The following RSU1 variants were observed in gnomAD, a reference collection of about 807,000 sequenced individuals.
RSU1 encodes Ras suppressor protein 1, also known as rsu-1.
A neutral mutation model predicts 31.1 loss-of-function variants in RSU1; 26 were observed. The ratio of observed to expected loss-of-function variants is 0.84; its 90% CI spans 0.61 to 1.16. The LOEUF is 1.16. Among genes scored for constraint, RSU1 ranks in the 50% most tolerant of loss-of-function variants. RSU1 has a pLI of 0.00. For synonymous variants in RSU1, 164 were observed against 136.3 expected (o/e 1.20, Z -1.41); for missense variants, 320 against 339.1 (o/e 0.94, Z 0.44).
At chr10:16,721,567 T>C (rs1836263393) in intron 7 of RSU1, 1 of 152,300 alleles carries the variant, frequency 6.6e-6, no homozygotes, top group Admixed American at 6.5e-5. Context: ...TCCCCAGCGA[T>C]TTGTTACTCA....
In RSU1 at chr10:16,619,281, G is replaced by T. The variant is rs551633861; in HGVS notation, c.732-25785C>A. On this transcript the variant is annotated intron_variant, in intron 8 of 8. Transcript: ENST00000345264. ...AGCATCTACCTGGCAGTATGTGACA[G>T]AGAGTAGCATGTTTTCACCTCACAG... Among the ~76,000 whole-genome samples, 22 of 152,350 alleles carry T rather than the reference G, an allele frequency of 1.4e-4. No homozygotes were observed. In the South Asian group the frequency reaches 4.4e-3, roughly 30 times the overall value.
chr10:16,605,196 G>A (rs1189549393), intron 8 of RSU1, among the ~76,000 whole-genome samples: 1 of 152,108 alleles, frequency 6.6e-6, no homozygotes, highest in African/African-American at 2.4e-5. Context: ...TCACCACTCT[G>A]GTCTACTGCA....
intron 2 of RSU1, among the ~76,000 whole-genome samples, chr10:16,789,456 C>T (rs1837867186): frequency 6.6e-6 from 1 of 152,156 alleles, no homozygotes; most frequent in African/African-American, 2.4e-5. Context: ...AACAGACCCC[C>T]ACAAAGCCCG....
chr10:16,777,334 A>C (rs114159930), intron 3 of RSU1, among the ~76,000 whole-genome samples: 1,655 of 152,314 alleles, frequency 0.011, 25 homozygotes, highest in African/African-American at 0.035. Flanking sequence ...CAACGTAAGG[A>C]TATTGGAGGA....
intron 2 of RSU1, 108 bp downstream of exon 2, chr10:16,816,865 G>A (rs1838545297): frequency 4.0e-6 from 3 of 757,446 alleles, no homozygotes; most frequent in Non-Finnish European, 6.9e-6. Flanking sequence ...TACAAGCAGG[G>A]GCTGGGGTCT....
At chr10:16,608,610 G>A (rs1240272469) in intron 8 of RSU1, among the ~76,000 whole-genome samples, 1 of 152,040 alleles carries the variant, frequency 6.6e-6, no homozygotes, top group African/African-American at 2.4e-5. Flanking sequence ...CTGGTGTGCA[G>A]AAAGAGCAAA....
chr10:16,725,203 G>A (rs945539371), intron 7 of RSU1, among the ~76,000 whole-genome samples: 1 of 152,156 alleles, frequency 6.6e-6, no homozygotes, highest in Non-Finnish European at 1.5e-5. Flanking sequence ...TGGGAGAAGA[G>A]AGAGAGAATA....
intron 7 of RSU1, among the ~76,000 whole-genome samples, chr10:16,696,881 C>A (rs929809968): frequency 3.3e-5 from 5 of 151,918 alleles, no homozygotes; most frequent in Non-Finnish European, 5.9e-5. Flanking sequence ...TTTTAGAGTC[C>A]CAAGAATGAA....
intron 3 of RSU1, among the ~76,000 whole-genome samples, chr10:16,773,023 AG>A (rs2131638813): frequency 6.6e-6 from 1 of 152,168 alleles, no homozygotes; most frequent in East Asian, 1.9e-4. Flanking sequence ...CCTGGGCAAC[AG>A]GGCGAAACCC....
At chr10:16,606,061 G>A (rs577586750) in intron 8 of RSU1, among the ~76,000 whole-genome samples, 38 of 152,230 alleles carry the variant, frequency 2.5e-4, no homozygotes, top group Admixed American at 2.1e-3. Flanking sequence ...GGGCTTCTAA[G>A]GCTAAAGGGA....
In RSU1 at chr10:16,722,528, TC is replaced by T. The variant is rs564413604; in HGVS notation, c.599-27374del. On this transcript the variant is annotated intron_variant, in intron 7 of 8. Transcript: ENST00000345264. ...CCTCTGGAACATGAAAGTGAAAATA[TC>T]CACCAAGCAATAAGATTTATCATCT... is the stretch of plus-strand genomic sequence containing the variant. Among the ~76,000 whole-genome samples, 773 of 152,224 alleles carry T rather than the reference TC, an allele frequency of 5.1e-3. 3 individuals carry two copies. The highest frequency in any genetic ancestry group is 8.4e-3 in the Non-Finnish European group (571 of 68,014).
intron 8 of RSU1, among the ~76,000 whole-genome samples, chr10:16,639,894 A>G (rs1834411659): frequency 6.6e-6 from 1 of 152,196 alleles, no homozygotes. Flanking sequence ...GTTTTATCTC[A>G]CCAGCGAGCT....
At chr10:16,677,988 A>G (rs1835264574) in intron 8 of RSU1, among the ~76,000 whole-genome samples, 1 of 152,076 alleles carries the variant, frequency 6.6e-6, no homozygotes, top group Non-Finnish European at 1.5e-5. Flanking sequence ...AATTAAGGAG[A>G]AAAGAAACAA....
intron 2 of RSU1, among the ~76,000 whole-genome samples, chr10:16,809,986 C>CGGGGGGGGGGG (rs747676679): frequency 2.6e-5 from 2 of 77,046 alleles, no homozygotes; most frequent in Non-Finnish European, 5.4e-5. Flanking sequence ...TTTGGGAGGC[C>CGGGGGGGGGGG]GGGGGTGGGG....
At position 16,644,405 on chromosome 10, in the gene RSU1, G is replaced by A. The variant is rs79354027; in HGVS notation, c.731+50618C>T. 5.9e-3 allele frequency among the ~76,000 whole-genome samples: 893 copies of A among 152,292 alleles called. 9 individuals are homozygous for A. The highest frequency in any genetic ancestry group is 0.02 in the African/African-American group (819 of 41,552). On this transcript the variant is annotated intron_variant, in intron 8 of 8. Transcript: ENST00000345264. ...CACAAATACGGTGATTACACATTAC[G>A]TGAGTGGCATTTCCCACGTGCCAGA...
intron 4 of RSU1, among the ~76,000 whole-genome samples, chr10:16,763,938 AG>A (rs1461688176): frequency 6.6e-6 from 1 of 152,214 alleles, no homozygotes; most frequent in Non-Finnish European, 1.5e-5. Context: ...TCTCAGCTAA[AG>A]AGAAGAATTG....
chr10:16,764,736 G>C (rs531160477), intron 3 of RSU1, among the ~76,000 whole-genome samples: 23 of 152,236 alleles, frequency 1.5e-4, no homozygotes, highest in African/African-American at 5.3e-4. Flanking sequence ...CTAAGTGCTT[G>C]GCATAGTTTG....
chr10:16,678,248 T>C (rs749938297), intron 8 of RSU1, among the ~76,000 whole-genome samples: 2 of 152,218 alleles, frequency 1.3e-5, no homozygotes, highest in Non-Finnish European at 2.9e-5. Flanking sequence ...TGAATGACCA[T>C]CTTTTCTCAT....
At chr10:16,651,010 AGATTT>A (rs1834676396) in intron 8 of RSU1, among the ~76,000 whole-genome samples, 2 of 152,298 alleles carry the variant, frequency 1.3e-5, no homozygotes, top group African/African-American at 2.4e-5. Context: ...TATGGAATTT[AGATTT>A]GATTTACTTG....
Sources: allele counts gnomAD v4.1 joint callset (sites outside exome capture counted in the v4.1 genomes callset), GRCh38; gene constraint gnomAD v4.1.1; transcripts MANE v1.5; gene names NCBI Gene and HGNC (gene_info 2026-07-23, HGNC 2026-07-21).